ABL1: variants seen among roughly 807,000 people sequenced by gnomAD.
ABL1 encodes the protein ABL proto-oncogene 1, non-receptor tyrosine kinase, also known as tyrosine-protein kinase ABL1.
Under a neutral mutation model 94.7 loss-of-function variants are expected in ABL1, and 11 were observed. The ratio of observed to expected loss-of-function variants is 0.12; its 90% confidence interval spans 0.07 to 0.19. The LOEUF (loss-of-function observed/expected upper bound fraction) is 0.19, where lower values mean the gene tolerates loss of function less well. Ranked by LOEUF, ABL1 falls within the 10% of genes least tolerant of loss-of-function variation. ABL1 has a pLI of 1.00. For synonymous variants in ABL1, 656 were observed against 622.4 expected, an observed-to-expected ratio of 1.05 and a Z score of -0.80; for missense variants, 1,082 against 1,489.4, an observed-to-expected ratio of 0.73 and a Z score of 4.50.
intron 1 of ABL1, among the ~76,000 whole-genome samples, chr9:130,743,399 G>A (rs1011610651): frequency 5.9e-5 from 9 of 152,124 alleles, no homozygotes; most frequent in African/African-American, 2.2e-4. Flanking sequence ...TAGTGCTTGG[G>A]GGAGGTAGCC....
At chr9:130,798,761 G>GT (rs1240719027) in intron 1 of ABL1, among the ~76,000 whole-genome samples, 1 of 152,058 alleles carries the variant, frequency 6.6e-6, no homozygotes, top group East Asian at 1.9e-4. Context: ...GAGGTCAGGA[G>GT]TTTGAGACCA....
At chr9:130,866,937 A>G (rs1831166842) in intron 4 of ABL1, among the ~76,000 whole-genome samples, 1 of 152,214 alleles carries the variant, frequency 6.6e-6, no homozygotes, top group Non-Finnish European at 1.5e-5. Flanking sequence ...CAGCCTCCTG[A>G]GTAGCAGGGA....
intron 6 of ABL1, among the ~76,000 whole-genome samples, chr9:130,873,435 G>A (rs190151456): frequency 2.0e-5 from 3 of 152,320 alleles, no homozygotes; most frequent in Non-Finnish European, 4.4e-5. Context: ...CCTCTTCCTG[G>A]GAGCCGCTGG....
chr9:130,878,779 A>G (rs548866264), intron 8 of ABL1, among the ~76,000 whole-genome samples: 4 of 151,964 alleles, frequency 2.6e-5, no homozygotes, highest in African/African-American at 9.7e-5. Flanking sequence ...CAAAAATGGT[A>G]TTGATAGATA....
intron 1 of ABL1, among the ~76,000 whole-genome samples, chr9:130,746,036 C>G (rs535724642): frequency 6.6e-6 from 1 of 152,224 alleles, no homozygotes; most frequent in African/African-American, 2.4e-5. Context: ...AATAGAGAGA[C>G]AAGGGTGACA....
chr9:130,785,455 GTCT>G (rs1829813656), intron 1 of ABL1, among the ~76,000 whole-genome samples: 1 of 152,160 alleles, frequency 6.6e-6, no homozygotes, highest in African/African-American at 2.4e-5. Context: ...TTTCTGAAGA[GTCT>G]GAATCTCAGC....
At position 130,884,613 on chromosome 9, in the gene ABL1, G is replaced by C. The variant is rs187868905; in HGVS notation, c.2323G>C (p.Val775Leu). 1.3e-5 allele frequency: 21 copies of C among 1,613,392 alleles called. No individual in the cohort carries two copies. The East Asian group carries it at 4.5e-4, about 34-fold the overall frequency. The change falls in exon 11 of 11, where the codon GTG becomes CTG. Residue 775 changes from valine (V) to leucine (L), a missense_variant. This residue lies in a region of ABL1 where 780 missense variants were observed against 835.8 expected (regional missense o/e 0.93). Coordinates refer to ENST00000318560, the MANE Select transcript of ABL1 (RefSeq NM_005157.6). This position sits in a 1 kb window ranked among gnomAD's most constrained non-coding sequence, Gnocchi z 5.6. ...KRAGENRSDQ[V>L]TRGTVTPPPR... The stretch of plus-strand genomic sequence containing the variant: ...GGCAGGGGAGAACAGGTCTGACCAG[G>C]TGACCCGAGGCACAGTAACGCCTCC...
chr9:130,746,597 C>T (rs549252076), intron 1 of ABL1, among the ~76,000 whole-genome samples: 28 of 151,424 alleles, frequency 1.8e-4, no homozygotes, highest in African/African-American at 6.6e-4. Flanking sequence ...CTAAATGTTG[C>T]ATGTGACAAC....
At chr9:130,791,787 C>T (rs1829911307) in intron 1 of ABL1, among the ~76,000 whole-genome samples, 1 of 152,170 alleles carries the variant, frequency 6.6e-6, no homozygotes, top group South Asian at 2.1e-4. Context: ...CAGACTCGGA[C>T]TGAGCCACTA....
chr9:130,860,192 G>T (rs1434055593), intron 3 of ABL1, among the ~76,000 whole-genome samples: 2 of 152,158 alleles, frequency 1.3e-5, no homozygotes, highest in Non-Finnish European at 2.9e-5. Context: ...TCAAAACCTG[G>T]AACTAATCAG....
intron 1 of ABL1, among the ~76,000 whole-genome samples, chr9:130,817,623 G>A (rs915621224): frequency 6.6e-6 from 1 of 152,178 alleles, no homozygotes; most frequent in Non-Finnish European, 1.5e-5. Flanking sequence ...TACTCTCATG[G>A]CAAAACTGCT....
intron 1 of ABL1, among the ~76,000 whole-genome samples, chr9:130,738,825 T>A (rs1238627399): frequency 1.3e-5 from 2 of 152,236 alleles, no homozygotes; most frequent in Non-Finnish European, 2.9e-5. Context: ...AACAAATTTA[T>A]TGTTTAGAGG....
chr9:130,771,752 C>CTTTTTTTTTTTT (rs57339049), intron 1 of ABL1, among the ~76,000 whole-genome samples: 1 of 106,924 alleles, frequency 9.4e-6, no homozygotes, highest in Admixed American at 1.0e-4. Context: ...TTCTTTCTTT[C>CTTTTTTTTTTTT]TTTTTTTTTT....
chr9:130,884,904 G>A lies in ABL1; in HGVS notation c.2614G>A (p.Glu872Lys), dbSNP rs1052791280. ...GGGCACCAGCAAGGGCCCCGCCGAG[G>A]AGTCCAGAGTGAGGAGGCACAAGCA... is the stretch of plus-strand genomic sequence containing the variant. The part of the protein sequence containing the change: ...PGGTSKGPAE[E>K]SRVRRHKHSS... The change falls in exon 11 of 11, where the codon GAG (glutamate) becomes AAG (lysine). Residue 872 changes from glutamate (E) to lysine (K), a missense_variant. Glu to Lys is a moderately conservative substitution (Grantham distance 56, BLOSUM62 1). Transcript: ENST00000318560. The surrounding 1 kb of genome is among the most constrained non-coding windows in gnomAD (Gnocchi z 5.6). 2 of 1,610,714 alleles carry A rather than the reference G, an allele frequency of 1.2e-6. No individual in the cohort carries two copies. Among genetic ancestry groups the A allele is most frequent in the Non-Finnish European group, 1.7e-6 (2 of 1,179,168 alleles).
At chr9:130,811,640 A>G (rs1830208430) in intron 1 of ABL1, among the ~76,000 whole-genome samples, 1 of 152,098 alleles carries the variant, frequency 6.6e-6, no homozygotes, top group African/African-American at 2.4e-5. Flanking sequence ...CAACAACAAT[A>G]AAAAGTTGGG....
intron 7 of ABL1, among the ~76,000 whole-genome samples, chr9:130,876,942 T>C (rs1831356266): frequency 2.0e-5 from 3 of 146,602 alleles, no homozygotes; most frequent in African/African-American, 7.9e-5. Context: ...TTTCACTGCG[T>C]TAGCCAGGAT....
chr9:130,718,816 A>G (rs1383839678), intron 1 of ABL1, among the ~76,000 whole-genome samples: 2 of 152,172 alleles, frequency 1.3e-5, no homozygotes, highest in South Asian at 2.1e-4. Flanking sequence ...CGGGAGGCCA[A>G]TGCTGCAGTG....
intron 1 of ABL1, among the ~76,000 whole-genome samples, chr9:130,750,225 A>ATC (rs1588222171): frequency 8.8e-6 from 1 of 113,454 alleles, no homozygotes; most frequent in East Asian, 3.1e-4. Context: ...ATATATATAT[A>ATC]TATATATATA....
rs1588253451 is a variant in ABL1 at position 130,822,820 on chromosome 9, T to G, written c.137-31244T>G. On this transcript the variant is annotated intron_variant, in intron 1 of 10. Transcript: ENST00000372348. ...GTACAAGTTCTTTTTTTTTTCGAGA[T>G]GGAGTCTCGCTCTGTCACCCAGGGT... Among the ~76,000 whole-genome samples, 3 of 151,806 alleles carry G rather than the reference T, an allele frequency of 2.0e-5. No homozygotes were observed. The East Asian group carries it at 5.8e-4, about 29-fold the overall frequency.
Sources: gnomAD v4.1 joint callset for allele counts (sites outside exome capture counted in the v4.1 genomes callset) on GRCh38, gnomAD v4.1.1 for gene constraint, gnomAD v4.1.1 regional missense constraint, Gnocchi (gnomAD v3.1) non-coding constraint, MANE v1.5 for transcripts, NCBI Gene and HGNC (gene_info 2026-07-23, HGNC 2026-07-21) for gene names.